Variants in PAG1 observed in about 807,000 individuals in gnomAD.
PAG1 encodes phosphoprotein associated with glycosphingolipid-enriched microdomains 1.
PAG1 carries 23 observed loss-of-function variants against 31.7 expected under a neutral mutation model. That is an observed-to-expected ratio of 0.73 (90% CI 0.52 to 1.03). The LOEUF is 1.03. Ranked by LOEUF, PAG1 falls within the 50% of genes least tolerant of loss-of-function variation. The pLI is 0.00. For synonymous variants in PAG1, 214 were observed against 210.3 expected (o/e 1.02, Z -0.15); for missense variants, 473 against 540.7 (o/e 0.87, Z 1.24).
chr8:81,081,117 A>G (rs1809258855), intron 1 of PAG1, among the ~76,000 whole-genome samples: 2 of 152,070 alleles, frequency 1.3e-5, no homozygotes, highest in African/African-American at 4.8e-5. Flanking sequence ...CTGACCTCAC[A>G]CGGTGTTTAG....
At chr8:81,108,917 C>T (rs1809733435) in intron 1 of PAG1, among the ~76,000 whole-genome samples, 1 of 152,164 alleles carries the variant, frequency 6.6e-6, no homozygotes, top group East Asian at 1.9e-4. Context: ...GGGAGTTCTC[C>T]AGCTGGGACT....
At chr8:81,064,016 CTG>C (rs1808962437) in intron 2 of PAG1, among the ~76,000 whole-genome samples, 1 of 150,430 alleles carries the variant, frequency 6.6e-6, no homozygotes, top group African/African-American at 2.5e-5. Context: ...AAAAGACAAA[CTG>C]GAGATCTCAG....
At chr8:81,067,248 T>C (rs1369174640) in intron 2 of PAG1, among the ~76,000 whole-genome samples, 2 of 152,194 alleles carry the variant, frequency 1.3e-5, no homozygotes, top group African/African-American at 4.8e-5. Context: ...ATGGTTCTCT[T>C]TGGGTAATGG....
chr8:81,066,381 G>C (rs1200994473), intron 2 of PAG1, among the ~76,000 whole-genome samples: 1 of 152,172 alleles, frequency 6.6e-6, no homozygotes, highest in African/African-American at 2.4e-5. Flanking sequence ...GGATTTTTGA[G>C]TGTTACAAAA....
At chr8:81,088,156 A>C (rs1328261030) in intron 1 of PAG1, among the ~76,000 whole-genome samples, 2 of 152,196 alleles carry the variant, frequency 1.3e-5, no homozygotes, top group African/African-American at 4.8e-5. Flanking sequence ...CCTTCCTAAA[A>C]GGATTTGAAG....
At chr8:81,006,536 C>T (rs1473893733) in intron 3 of PAG1, among the ~76,000 whole-genome samples, 1 of 152,134 alleles carries the variant, frequency 6.6e-6, no homozygotes, top group Non-Finnish European at 1.5e-5. Flanking sequence ...CTCCAGAAGT[C>T]CACAGGGAGA....
chr8:81,057,104 A>G (rs928530765), intron 2 of PAG1, among the ~76,000 whole-genome samples: 4 of 152,140 alleles, frequency 2.6e-5, no homozygotes, highest in Non-Finnish European at 5.9e-5. Context: ...AAATAGGAAC[A>G]CTTTTACACT....
intron 3 of PAG1, among the ~76,000 whole-genome samples, chr8:81,029,152 CAG>C (rs1808333973): frequency 6.6e-6 from 1 of 152,160 alleles, no homozygotes; most frequent in African/African-American, 2.4e-5. Flanking sequence ...TGAGCAGCGA[CAG>C]GGGAACTTCA....
chr8:81,108,633 C>A (rs1809729758), intron 1 of PAG1, among the ~76,000 whole-genome samples: 1 of 152,064 alleles, frequency 6.6e-6, no homozygotes, highest in Non-Finnish European at 1.5e-5. Flanking sequence ...AAGGCGAGAA[C>A]ACTATCTAGT....
At chr8:81,104,903 A>G (rs1325020655) in intron 1 of PAG1, among the ~76,000 whole-genome samples, 2 of 152,140 alleles carry the variant, frequency 1.3e-5, no homozygotes, top group Admixed American at 1.3e-4. Context: ...ATGGCCCACA[A>G]GACCCTCCAA....
intron 3 of PAG1, among the ~76,000 whole-genome samples, chr8:80,997,848 T>TAA (rs1807711194): frequency 6.6e-6 from 1 of 152,180 alleles, no homozygotes; most frequent in Admixed American, 6.5e-5. Context: ...TACAAGCATA[T>TAA]AGTATTGCTG....
intron 1 of PAG1, among the ~76,000 whole-genome samples, chr8:81,105,299 A>G (rs1003135123): frequency 9.9e-5 from 15 of 152,142 alleles, no homozygotes; most frequent in African/African-American, 3.6e-4. Flanking sequence ...ATCATCTAAC[A>G]ATGTGCCTGG....
At chr8:81,069,868 C>A (rs541808365) in intron 2 of PAG1, among the ~76,000 whole-genome samples, 172 of 152,200 alleles carry the variant, frequency 1.1e-3, no homozygotes, top group Non-Finnish European at 1.8e-3. Context: ...CAAAGGGAAA[C>A]ACCATGTTGT....
chr8:81,005,234 T>C (rs1438144811), intron 3 of PAG1, among the ~76,000 whole-genome samples: 3 of 152,210 alleles, frequency 2.0e-5, no homozygotes, highest in Non-Finnish European at 4.4e-5. Context: ...AATTGTTTTC[T>C]GCTTCACCTC....
intron 1 of PAG1, among the ~76,000 whole-genome samples, chr8:81,081,190 C>T (rs1809260528): frequency 6.6e-6 from 1 of 151,800 alleles, no homozygotes; most frequent in African/African-American, 2.4e-5. Flanking sequence ...CCCTTGCCTT[C>T]CTTCCCAATC....
intron 2 of PAG1, among the ~76,000 whole-genome samples, chr8:81,062,036 A>G (rs1808927723): frequency 6.6e-6 from 1 of 152,218 alleles, no homozygotes; most frequent in African/African-American, 2.4e-5. Context: ...TTATTATATT[A>G]AGAGATTATA....
chr8:81,105,845 T>C lies in PAG1; in HGVS notation c.-234+5746A>G, dbSNP rs141439174. 2.3e-3 allele frequency among the ~76,000 whole-genome samples: 349 copies of C among 152,288 alleles called. 3 individuals carry two copies. The highest frequency in any genetic ancestry group is 7.9e-3 in the African/African-American group (330 of 41,560). ...ATAAATTCACATAAAAGCTTACATA[T>C]GCAACCCTGGGGCTCTCTCAACACG... On this transcript the variant is annotated intron_variant, in intron 1 of 8. Coordinates refer to ENST00000220597, the MANE Select transcript of PAG1 (RefSeq NM_018440.4).
At chr8:81,031,760 T>G (rs569484499) in intron 2 of PAG1, among the ~76,000 whole-genome samples, 13 of 152,334 alleles carry the variant, frequency 8.5e-5, no homozygotes, top group African/African-American at 3.1e-4. Context: ...ATAAAAATGG[T>G]GCACAGTTTT....
intron 1 of PAG1, among the ~76,000 whole-genome samples, chr8:81,103,202 T>C (rs1809636961): frequency 6.6e-6 from 1 of 151,082 alleles, no homozygotes; most frequent in Admixed American, 6.6e-5. Flanking sequence ...CTTAATCACA[T>C]ATATTTGCAT....
Sources: gnomAD v4.1 joint callset for allele counts (sites outside exome capture counted in the v4.1 genomes callset) on GRCh38, gnomAD v4.1.1 for gene constraint, MANE v1.5 for transcripts, NCBI Gene and HGNC (gene_info 2026-07-23, HGNC 2026-07-21) for gene names.